Variants in PTPRK observed in about 807,000 individuals in gnomAD.
The protein encoded by PTPRK is receptor-type tyrosine-protein phosphatase kappa.
PTPRK carries 75 observed loss-of-function variants against 178.0 expected under a neutral mutation model. The observed-to-expected ratio is 0.42, with a 90% CI of 0.35 to 0.51. The LOEUF (loss-of-function observed/expected upper bound fraction) is 0.51, where lower values mean the gene tolerates loss of function less well. Among genes scored for constraint, PTPRK ranks in the 20% least tolerant of loss-of-function variants. The pLI is 0.02. For synonymous variants in PTPRK, 637 were observed against 620.6 expected (o/e 1.03, Z -0.39); for missense variants, 1,441 against 1,797.8 (o/e 0.80, Z 3.59).
At chr6:128,172,107 C>T (rs550186337) in intron 7 of PTPRK, among the ~76,000 whole-genome samples, 1 of 152,020 alleles carries the variant, frequency 6.6e-6, no homozygotes, top group East Asian at 1.9e-4. Flanking sequence ...AATGTTATCA[C>T]TGAGATAAAG....
chr6:128,298,436 A>G (rs1824904920), intron 3 of PTPRK, among the ~76,000 whole-genome samples: 1 of 149,238 alleles, frequency 6.7e-6, no homozygotes, highest in African/African-American at 2.5e-5. Flanking sequence ...AAAAAGACCA[A>G]TATCCTTGAT....
chr6:128,198,899 A>G (rs1453893364), intron 6 of PTPRK, among the ~76,000 whole-genome samples: 2 of 152,204 alleles, frequency 1.3e-5, no homozygotes, highest in South Asian at 2.1e-4. Context: ...TGCAATCAAT[A>G]TTTGTTGAAT....
intron 7 of PTPRK, among the ~76,000 whole-genome samples, chr6:128,135,078 T>TCACACACA (rs34254716): frequency 0.012 from 1,671 of 136,350 alleles, 29 homozygotes; most frequent in African/African-American, 0.038. Context: ...AATCATTCAA[T>TCACACACA]CACACACACA....
intron 7 of PTPRK, among the ~76,000 whole-genome samples, chr6:128,125,597 C>CTTTTTTT (rs1562629730): frequency 1.2e-5 from 1 of 82,146 alleles, no homozygotes. Context: ...TGCCTTTGGG[C>CTTTTTTT]TTTTCTTTTT....
chr6:128,236,900 T>A (rs550637454), intron 5 of PTPRK, among the ~76,000 whole-genome samples: 22 of 152,210 alleles, frequency 1.4e-4, no homozygotes, highest in African/African-American at 4.8e-4. Flanking sequence ...ACTACCATGA[T>A]ATGCATTATG....
At chr6:128,136,420 C>T (rs1047496509) in intron 7 of PTPRK, among the ~76,000 whole-genome samples, 1 of 152,090 alleles carries the variant, frequency 6.6e-6, no homozygotes, top group African/African-American at 2.4e-5. Flanking sequence ...GATCTAGGAT[C>T]GGAATGTGTA....
intron 3 of PTPRK, among the ~76,000 whole-genome samples, chr6:128,272,010 A>G (rs1251996813): frequency 6.6e-6 from 1 of 152,048 alleles, no homozygotes; most frequent in East Asian, 1.9e-4. Context: ...ACTGATTGTA[A>G]CAGATTTATC....
intron 7 of PTPRK, among the ~76,000 whole-genome samples, chr6:128,166,517 A>C (rs1245061758): frequency 1.3e-5 from 2 of 151,718 alleles, no homozygotes; most frequent in Non-Finnish European, 3.0e-5. Context: ...TGCTGGACAA[A>C]GTTTTTAGAA....
chr6:128,484,125 C>A (rs556366804), intron 1 of PTPRK, among the ~76,000 whole-genome samples: 1 of 152,030 alleles, frequency 6.6e-6, no homozygotes, highest in African/African-American at 2.4e-5. Context: ...ATGGTTACCA[C>A]GTGTATCAAA....
At chr6:128,254,628 T>C (rs1301284451) in intron 3 of PTPRK, among the ~76,000 whole-genome samples, 1 of 152,186 alleles carries the variant, frequency 6.6e-6, no homozygotes, top group Non-Finnish European at 1.5e-5. Context: ...AAAATATTCA[T>C]GTGTCATAAA....
intron 7 of PTPRK, among the ~76,000 whole-genome samples, chr6:128,169,185 C>A (rs547561160): frequency 2.8e-4 from 43 of 152,056 alleles, no homozygotes; most frequent in African/African-American, 1.0e-3. Context: ...ACTGAAAGCA[C>A]TGCAAAAAGA....
intron 3 of PTPRK, among the ~76,000 whole-genome samples, chr6:128,243,072 T>A (rs1016027408): frequency 2.0e-5 from 3 of 152,184 alleles, no homozygotes; most frequent in African/African-American, 7.2e-5. Flanking sequence ...AGATTATTGA[T>A]GTTCCAGGCC....
At chr6:128,323,319 A>G (rs1476769097) in intron 2 of PTPRK, among the ~76,000 whole-genome samples, 1 of 152,102 alleles carries the variant, frequency 6.6e-6, no homozygotes, top group Non-Finnish European at 1.5e-5. Context: ...TTTAACAAAG[A>G]CACATATCAC....
intron 7 of PTPRK, among the ~76,000 whole-genome samples, chr6:128,092,847 A>C (rs1787223125): frequency 6.6e-6 from 1 of 152,248 alleles, no homozygotes; most frequent in Admixed American, 6.5e-5. Flanking sequence ...TGAGGTATAA[A>C]TACATAAATA....
intron 7 of PTPRK, among the ~76,000 whole-genome samples, chr6:128,097,197 C>T (rs1788061387): frequency 6.6e-6 from 1 of 152,090 alleles, no homozygotes; most frequent in Non-Finnish European, 1.5e-5. Flanking sequence ...GCTCTTTAGG[C>T]TTTCTGGCTG....
rs532966546 is a variant in PTPRK at position 128,280,226 on chromosome 6, G to A, written c.496-37624C>T. On this transcript the variant is annotated intron_variant, in intron 3 of 29. Transcript: ENST00000368226. Reference sequence around the variant, plus strand: ...ACTCATCAAGCTTCTTGGTAACCAGGTATCCTACGCCAGACTCTCCTCAGG... The same window carrying A: ...ACTCATCAAGCTTCTTGGTAACCAGATATCCTACGCCAGACTCTCCTCAGG... 1.2e-4 allele frequency among the ~76,000 whole-genome samples: 18 copies of A among 152,216 alleles called. No individual in the cohort carries two copies. In the East Asian group the frequency reaches 3.3e-3, roughly 28 times the overall value.
At chr6:128,282,133 T>A (rs1821774684) in intron 3 of PTPRK, among the ~76,000 whole-genome samples, 1 of 152,158 alleles carries the variant, frequency 6.6e-6, no homozygotes, top group South Asian at 2.1e-4. Flanking sequence ...ATCTTAGGAC[T>A]ATACATGGCT....
chr6:128,221,838 C>G (rs1034296145), intron 5 of PTPRK, among the ~76,000 whole-genome samples: 1 of 151,336 alleles, frequency 6.6e-6, no homozygotes, highest in East Asian at 2.0e-4. Context: ...AAATATAAAT[C>G]CATAAAATCA....
At chr6:128,270,790 C>T (rs1228276539) in intron 3 of PTPRK, among the ~76,000 whole-genome samples, 2 of 152,032 alleles carry the variant, frequency 1.3e-5, no homozygotes, top group Non-Finnish European at 2.9e-5. Context: ...TATTTCTCAG[C>T]CAAAACCATC....
Sources: gnomAD v4.1 joint callset for allele counts (sites outside exome capture counted in the v4.1 genomes callset) on GRCh38, gnomAD v4.1.1 for gene constraint, MANE v1.5 for transcripts, NCBI Gene and HGNC (gene_info 2026-07-23, HGNC 2026-07-21) for gene names.